Variants in MYO1E observed in about 807,000 individuals in gnomAD.
MYO1E encodes the protein unconventional myosin-Ie.
A neutral mutation model predicts 151.1 loss-of-function variants in MYO1E; 68 were observed. The ratio of observed to expected loss-of-function variants is 0.45; its 90% CI spans 0.37 to 0.55. The LOEUF is 0.55. MYO1E is among the 20% of genes least tolerant of loss of function. The pLI, the probability that MYO1E is intolerant of heterozygous loss-of-function variation, is 0.00. For missense variants in MYO1E, 1,363 were observed against 1,389.3 expected (o/e 0.98, Z 0.30); for synonymous variants, 601 against 501.7 (o/e 1.20, Z -2.64).
At chr15:59,228,553 GT>G (rs200581765) in intron 6 of MYO1E, among the ~76,000 whole-genome samples, 4 of 150,148 alleles carry the variant, frequency 2.7e-5, no homozygotes, top group Non-Finnish European at 4.4e-5. Flanking sequence ...ATTTAAATTG[GT>G]TTTTTTTTCT....
chr15:59,277,553 A>ACAAAAAAAAAAC lies in MYO1E; in HGVS notation c.4-5105_4-5104insGTTTTTTTTTTG, dbSNP rs879924963. 1.2e-3 allele frequency among the ~76,000 whole-genome samples: 94 copies of ACAAAAAAAAAAC among 80,406 alleles called. 4 individuals carry two copies. In the South Asian group the frequency reaches 0.054, roughly 47 times the overall value. The allele number at this position is 80,406 out of a possible 152,430, so 52.7% of individuals were successfully genotyped here. A position where few individuals can be genotyped will look rare whatever the true frequency, so the allele number is the denominator to read the frequency against. ...AGCAAGACTCCATCCCCCCACAAAA[A>ACAAAAAAAAAAC]AAAAAAAAAAAAAAAAAAAACATCA... On this transcript the variant is annotated intron_variant, in intron 1 of 27. Coordinates refer to ENST00000288235, the MANE Select transcript of MYO1E (RefSeq NM_004998.4).
chr15:59,274,907 T>C (rs2080309137), intron 1 of MYO1E, among the ~76,000 whole-genome samples: 2 of 152,190 alleles, frequency 1.3e-5, no homozygotes, highest in African/African-American at 4.8e-5. Context: ...CAGTCTCTAA[T>C]GCTCAAAGAG....
intron 1 of MYO1E, among the ~76,000 whole-genome samples, chr15:59,306,267 T>C (rs763380654): frequency 6.6e-6 from 1 of 152,338 alleles, no homozygotes; most frequent in Non-Finnish European, 1.5e-5. Flanking sequence ...GATTACCTGA[T>C]TGTATATTTC....
At chr15:59,191,887 C>T (rs1171250233) in intron 17 of MYO1E, among the ~76,000 whole-genome samples, 3 of 152,130 alleles carry the variant, frequency 2.0e-5, no homozygotes, top group African/African-American at 7.2e-5. Flanking sequence ...TGGCCGTTTA[C>T]TCAAATTGAT....
intron 2 of MYO1E, among the ~76,000 whole-genome samples, chr15:59,263,417 T>A (rs547651202): frequency 6.6e-6 from 1 of 152,286 alleles, no homozygotes; most frequent in Admixed American, 6.5e-5. Flanking sequence ...ATATCTCAAA[T>A]CATGATGCAT....
intron 11 of MYO1E, 51 bp downstream of exon 11, chr15:59,214,589 A>G (rs1279202666): frequency 1.4e-6 from 2 of 1,423,938 alleles, no homozygotes; most frequent in Admixed American, 1.7e-5. Flanking sequence ...CTTGCAGGCC[A>G]GATGAAATAC....
chr15:59,211,053 A>G (rs1172204178), intron 12 of MYO1E, among the ~76,000 whole-genome samples: 1 of 152,044 alleles, frequency 6.6e-6, no homozygotes, highest in East Asian at 1.9e-4. Flanking sequence ...TACAAAAAGA[A>G]GCTGAGTGTG....
At chr15:59,368,338 G>A (rs371480352) in intron 1 of MYO1E, among the ~76,000 whole-genome samples, 8 of 152,064 alleles carry the variant, frequency 5.3e-5, no homozygotes, top group African/African-American at 1.4e-4. Flanking sequence ...ACCACTGGCC[G>A]GGCACAGTGG....
At chr15:59,203,888 TTCC>T (rs1328793325) in intron 15 of MYO1E, among the ~76,000 whole-genome samples, 1 of 152,180 alleles carries the variant, frequency 6.6e-6, no homozygotes, top group Non-Finnish European at 1.5e-5. Context: ...TCAAACTCAC[TTCC>T]TCCTCAATGA....
chr15:59,239,215 T>C (rs1286630108), intron 4 of MYO1E, among the ~76,000 whole-genome samples: 1 of 101,266 alleles, frequency 9.9e-6, no homozygotes, highest in Non-Finnish European at 1.7e-5. Context: ...AAAAAATATA[T>C]ATATATATAT....
chr15:59,142,049 G>C (rs550156450), intron 26 of MYO1E, among the ~76,000 whole-genome samples: 1 of 152,048 alleles, frequency 6.6e-6, no homozygotes, highest in South Asian at 2.1e-4. Flanking sequence ...GGAGCTTGCA[G>C]TGAGCCGAGA....
intron 10 of MYO1E, 63 bp from the exon 11 acceptor site, chr15:59,214,783 C>T (rs926018880): frequency 4.6e-6 from 6 of 1,309,926 alleles, no homozygotes; most frequent in Non-Finnish European, 6.6e-6. Flanking sequence ...CGGGCATGCA[C>T]TGGGGAAAGG....
At chr15:59,184,089 A>G (rs572223318) in intron 18 of MYO1E, among the ~76,000 whole-genome samples, 2 of 152,134 alleles carry the variant, frequency 1.3e-5, no homozygotes, top group East Asian at 3.9e-4. Flanking sequence ...GCTCACTGCA[A>G]CCTCTGCCTT....
Position 59,159,834 on chromosome 15 carries a change from G to A in MYO1E, c.2785+1239C>T, listed in dbSNP as rs1230359606. ...GGTGTACCTTTGCAGACAGATTTGA[G>A]AAATGGCTAATTAATTAATTAATTT... On this transcript the variant is annotated intron_variant, in intron 24 of 27. Coordinates refer to ENST00000288235, the MANE Select transcript of MYO1E (RefSeq NM_004998.4). The surrounding 1 kb of genome is among the most constrained non-coding windows in gnomAD (Gnocchi z 4.4). Among the ~76,000 whole-genome samples the A allele has an allele frequency of 6.6e-6, 1 of 151,490 alleles. No individual in the cohort carries two copies. Among genetic ancestry groups the A allele is most frequent in the Non-Finnish European group, 1.5e-5 (1 of 67,956 alleles).
At chr15:59,261,645 CAAGTA>C (rs552550664) in intron 2 of MYO1E, 136 bp from the exon 3 acceptor site, 24 of 656,188 alleles carry the variant, frequency 3.7e-5, no homozygotes, top group Non-Finnish European at 6.3e-5. Flanking sequence ...TAAAAGATTA[CAAGTA>C]AAGACGAAAG....
intron 26 of MYO1E, among the ~76,000 whole-genome samples, chr15:59,144,356 G>A (rs564806246): frequency 5.3e-5 from 8 of 152,026 alleles, no homozygotes; most frequent in East Asian, 1.9e-4. Context: ...TAGTAGACAC[G>A]GGGTTTCACT....
At chr15:59,176,832 G>A (rs1488299773) in intron 19 of MYO1E, among the ~76,000 whole-genome samples, 1 of 152,134 alleles carries the variant, frequency 6.6e-6, no homozygotes, top group African/African-American at 2.4e-5. Flanking sequence ...TGGGGCAGGG[G>A]AGAGAGCGGA....
At chr15:59,199,704 T>G (rs187798653) in intron 16 of MYO1E, among the ~76,000 whole-genome samples, 1 of 152,218 alleles carries the variant, frequency 6.6e-6, no homozygotes, top group Admixed American at 6.5e-5. Flanking sequence ...AATTAGAATA[T>G]AATGAAATCT....
At chr15:59,231,222 C>T (rs115843095) in intron 6 of MYO1E, among the ~76,000 whole-genome samples, 4 of 152,156 alleles carry the variant, frequency 2.6e-5, no homozygotes, top group South Asian at 4.1e-4. Context: ...GCAGGCAGCT[C>T]GCTCTGAGGG....
Sources: gnomAD v4.1 joint callset for allele counts (sites outside exome capture counted in the v4.1 genomes callset) on GRCh38, gnomAD v4.1.1 for gene constraint, Gnocchi (gnomAD v3.1) non-coding constraint, MANE v1.5 for transcripts, NCBI Gene and HGNC (gene_info 2026-07-23, HGNC 2026-07-21) for gene names.